The following CDYL variants were observed in gnomAD, a reference collection of about 807,000 sequenced individuals.
The protein encoded by CDYL is chromodomain Y like, also known as chromodomain Y-like protein.
CDYL carries 8 observed loss-of-function variants against 47.3 expected under a neutral mutation model. The ratio of observed to expected loss-of-function variants is 0.17; its 90% confidence interval spans 0.10 to 0.31. CDYL has a LOEUF of 0.31. Ranked by LOEUF, CDYL falls within the 10% of genes least tolerant of loss-of-function variation. The pLI is 1.00. For missense variants in CDYL, 471 were observed against 701.4 expected (o/e 0.67, Z 3.71); for synonymous variants, 266 against 265.0 (o/e 1.00, Z -0.04).
At chr6:4,894,589 A>G (rs1351653835) in intron 2 of CDYL, among the ~76,000 whole-genome samples, 2 of 152,202 alleles carry the variant, frequency 1.3e-5, no homozygotes, top group African/African-American at 2.4e-5. Context: ...CTATCCATTC[A>G]TTTACTTCCA....
intron 1 of CDYL, among the ~76,000 whole-genome samples, chr6:4,855,155 A>G (rs984214578): frequency 1.3e-5 from 2 of 152,242 alleles, no homozygotes; most frequent in African/African-American, 4.8e-5. Flanking sequence ...GTTTATTTAA[A>G]TTAATAGATC....
chr6:4,890,784 C>T (rs997644559), intron 1 of CDYL, among the ~76,000 whole-genome samples: 2 of 152,330 alleles, frequency 1.3e-5, no homozygotes, highest in South Asian at 2.1e-4. Context: ...AGAGCCACTC[C>T]GTGGCTGTAG....
At chr6:4,772,242 C>CA, upstream of CDYL, among the ~76,000 whole-genome samples, 1 of 152,250 alleles carries the variant, frequency 6.6e-6, no homozygotes, top group Non-Finnish European at 1.5e-5. Flanking sequence ...AGAGATGAAA[C>CA]AACTAGTGAT....
intron 2 of CDYL, among the ~76,000 whole-genome samples, chr6:4,895,041 CT>C (rs1561692680): frequency 6.7e-6 from 1 of 148,948 alleles, no homozygotes. Flanking sequence ...ATATATGTAT[CT>C]ATATACACAT....
chr6:4,761,549 G>T (rs9504235), intron 3 of CDYL, among the ~76,000 whole-genome samples: 26,734 of 151,546 alleles, frequency 0.18, 3,248 homozygotes, highest in African/African-American at 0.34. Context: ...TCACCATGTT[G>T]GCCAGGCTGG....
At chr6:4,882,046 C>T (rs772276145) in intron 1 of CDYL, among the ~76,000 whole-genome samples, 34 of 152,224 alleles carry the variant, frequency 2.2e-4, no homozygotes, top group Non-Finnish European at 4.0e-4. Flanking sequence ...CCTGTGACAT[C>T]GTCCATTGCA....
At chr6:4,864,844 G>T (rs574048227) in intron 1 of CDYL, among the ~76,000 whole-genome samples, 3 of 150,620 alleles carry the variant, frequency 2.0e-5, no homozygotes, top group Non-Finnish European at 2.9e-5. Flanking sequence ...TATCAGCAAC[G>T]TGAAAATGAA....
At chr6:4,732,950 C>T (rs1198981094) in intron 2 of CDYL, among the ~76,000 whole-genome samples, 3 of 152,092 alleles carry the variant, frequency 2.0e-5, no homozygotes, top group African/African-American at 4.8e-5. Flanking sequence ...AAAGCTACTT[C>T]GGATCCTCCA....
intron 1 of CDYL, among the ~76,000 whole-genome samples, chr6:4,857,250 C>T (rs930891646): frequency 3.3e-5 from 5 of 152,088 alleles, no homozygotes; most frequent in African/African-American, 7.2e-5. Context: ...CACCAAACAT[C>T]GCCAGAACTT....
chr6:4,725,505 C>G (rs372495190), intron 2 of CDYL, among the ~76,000 whole-genome samples: 1 of 152,220 alleles, frequency 6.6e-6, no homozygotes, highest in Non-Finnish European at 1.5e-5. Context: ...AGCTAAGGCC[C>G]GGCGAGAAGT....
intron 2 of CDYL, among the ~76,000 whole-genome samples, chr6:4,917,149 G>A (rs1757581661): frequency 6.6e-6 from 1 of 152,166 alleles, no homozygotes; most frequent in African/African-American, 2.4e-5. Flanking sequence ...CTTCCTTATG[G>A]TTTTGGGGTG....
intron 2 of CDYL, chr6:4,724,313 C>G (rs1448405199): frequency 6.6e-6 from 1 of 152,012 alleles, no homozygotes; most frequent in Non-Finnish European, 1.5e-5. Context: ...GGCCTCCCAA[C>G]GTGATGGGAT....
intron 3 of CDYL, among the ~76,000 whole-genome samples, chr6:4,758,309 A>G (rs541851216): frequency 4.0e-5 from 6 of 150,444 alleles, no homozygotes; most frequent in Non-Finnish European, 7.4e-5. Flanking sequence ...ACTGCACTCC[A>G]GCGTGGGTGA....
chr6:4,925,082 G>T (rs1581268617), intron 2 of CDYL, among the ~76,000 whole-genome samples: 1 of 152,348 alleles, frequency 6.6e-6, no homozygotes, highest in East Asian at 1.9e-4. Flanking sequence ...TGTAATACCT[G>T]ATGTGGGTGG....
In CDYL at chr6:4,842,025, T is replaced by C. The variant is rs568712990; in HGVS notation, c.25-49688T>C. On this transcript the variant is annotated intron_variant, in intron 1 of 6. Transcript: ENST00000397588. The stretch of plus-strand genomic sequence containing the variant: ...ATAAATTAATTATATTTGTATTATT[T>C]GTAATATATAATTTATATATATTAT... 4.8e-5 allele frequency among the ~76,000 whole-genome samples: 7 copies of C among 145,472 alleles called. No individual in the cohort carries two copies. In the East Asian group the frequency reaches 1.4e-3, roughly 28 times the overall value.
intron 5 of CDYL, among the ~76,000 whole-genome samples, chr6:4,949,141 T>C (rs745679021): frequency 2.0e-5 from 3 of 152,010 alleles, no homozygotes; most frequent in Admixed American, 2.0e-4. Flanking sequence ...AGCCAAGGAG[T>C]CTCTTCCAGT....
chr6:4,836,473 C>T (rs1318883025), intron 1 of CDYL, among the ~76,000 whole-genome samples: 1 of 152,136 alleles, frequency 6.6e-6, no homozygotes, highest in Admixed American at 6.5e-5. Context: ...GGCTTTCCTT[C>T]CTGTGATACC....
Position 4,854,130 on chromosome 6 carries a change from G to C in CDYL, c.25-37583G>C, listed in dbSNP as rs1760934781. Among the ~76,000 whole-genome samples the C allele has an allele frequency of 1.3e-5, 2 of 151,916 alleles. 1 individual carries two copies. The highest frequency in any genetic ancestry group is 4.9e-5 in the African/African-American group (2 of 41,180). Reference sequence around the variant, plus strand: ...GCAGGGCAGTGACAAAGCTGGGCCTGACTCATCTTCGTAGGCTGCTAGTTC... The same window carrying C: ...GCAGGGCAGTGACAAAGCTGGGCCTCACTCATCTTCGTAGGCTGCTAGTTC... On this transcript the variant is annotated intron_variant, in intron 1 of 6. Transcript: ENST00000397588.
intron 1 of CDYL, among the ~76,000 whole-genome samples, chr6:4,864,275 C>T (rs1445074568): frequency 2.0e-5 from 3 of 152,092 alleles, no homozygotes; most frequent in East Asian, 1.9e-4. Context: ...AAATTGAACT[C>T]AGAAAGGCAT....
Sources: allele counts gnomAD v4.1 joint callset (sites outside exome capture counted in the v4.1 genomes callset), GRCh38; gene constraint gnomAD v4.1.1; transcripts MANE v1.5; gene names NCBI Gene and HGNC (gene_info 2026-07-23, HGNC 2026-07-21).